OTUD7A: variants seen among roughly 807,000 people sequenced by gnomAD.
The protein encoded by OTUD7A is OTU domain-containing protein 7A.
A neutral mutation model predicts 65.7 loss-of-function variants in OTUD7A; 12 were observed. The observed-to-expected ratio is 0.18, with a 90% CI of 0.12 to 0.30. OTUD7A has a LOEUF of 0.30. Ranked by LOEUF, OTUD7A falls within the 10% of genes least tolerant of loss-of-function variation. OTUD7A has a pLI of 1.00. For synonymous variants in OTUD7A, 641 were observed against 586.3 expected (o/e 1.09, Z -1.35); for missense variants, 1,148 against 1,304.8 (o/e 0.88, Z 1.85).
chr15:31,791,734 C>T (rs1895820416), intron 1 of OTUD7A, among the ~76,000 whole-genome samples: 2 of 151,140 alleles, frequency 1.3e-5, no homozygotes, highest in African/African-American at 2.4e-5. Context: ...CCAGCTGGCC[C>T]CCTCCCTCCT....
At chr15:31,577,837 A>C (rs1313485915) in intron 3 of OTUD7A, among the ~76,000 whole-genome samples, 1 of 151,708 alleles carries the variant, frequency 6.6e-6, no homozygotes, top group African/African-American at 2.4e-5. Context: ...AAAAAAAACA[A>C]CACAGAAGCA....
intron 1 of OTUD7A, among the ~76,000 whole-genome samples, chr15:31,672,328 T>C (rs891621051): frequency 6.6e-6 from 1 of 152,210 alleles, no homozygotes; most frequent in African/African-American, 2.4e-5. Context: ...TATCTCTATA[T>C]GGTTTAATTT....
intron 1 of OTUD7A, among the ~76,000 whole-genome samples, chr15:31,761,620 CT>C (rs1894965747): frequency 1.3e-5 from 2 of 152,172 alleles, no homozygotes; most frequent in African/African-American, 4.8e-5. Flanking sequence ...TCAGCAGTTA[CT>C]CAAAAGTTAA....
intron 5 of OTUD7A, among the ~76,000 whole-genome samples, chr15:31,531,387 G>A (rs7175291): frequency 0.027 from 4,117 of 152,078 alleles, 191 homozygotes; most frequent in African/African-American, 0.094. Context: ...TCTGAAAAGT[G>A]GAGAAGAAGT....
intron 8 of OTUD7A, among the ~76,000 whole-genome samples, chr15:31,511,168 C>CACAT (rs1555391767): frequency 3.8e-4 from 2 of 5,254 alleles, no homozygotes; most frequent in Non-Finnish European, 5.9e-4. Flanking sequence ...ATGTAACATA[C>CACAT]ATATGTATAT....
At chr15:31,648,870 C>T (rs1460673093) in intron 3 of OTUD7A, among the ~76,000 whole-genome samples, 1 of 152,160 alleles carries the variant, frequency 6.6e-6, no homozygotes. Flanking sequence ...AAGCGATTCT[C>T]CTGCCTCAGC....
At position 31,662,121 on chromosome 15, in the gene OTUD7A, G is replaced by A. The variant is rs536018878; in HGVS notation, c.-99-5044C>T. 3.5e-4 allele frequency among the ~76,000 whole-genome samples: 54 copies of A among 152,320 alleles called. No homozygotes were observed. The Middle Eastern group carries it at 0.01, about 29-fold the overall frequency. On this transcript the variant is annotated intron_variant, in intron 1 of 12. Transcript: ENST00000307050. ...TGGCACTGAGTATCTGTCTCTGCCT[G>A]TGATGGTCGCAGCCACTGATGATCA...
At chr15:31,814,206 A>C (rs368025345) in intron 1 of OTUD7A, among the ~76,000 whole-genome samples, 14 of 152,320 alleles carry the variant, frequency 9.2e-5, no homozygotes, top group African/African-American at 3.4e-4. Flanking sequence ...CCACCCAACC[A>C]CTGGCATCGG....
chr15:31,744,942 TC>T (rs1894437290), intron 1 of OTUD7A, among the ~76,000 whole-genome samples: 1 of 152,020 alleles, frequency 6.6e-6, no homozygotes, highest in Non-Finnish European at 1.5e-5. Flanking sequence ...TTAAAAGAAA[TC>T]AATTTATAAT....
At chr15:31,491,112 A>G (rs889674067) in intron 10 of OTUD7A, among the ~76,000 whole-genome samples, 1 of 150,652 alleles carries the variant, frequency 6.6e-6, no homozygotes, top group Non-Finnish European at 1.5e-5. Context: ...CAAAAAACCT[A>G]TGAGGCGAAA....
chr15:31,821,086 C>A (rs1461551657), intron 1 of OTUD7A, among the ~76,000 whole-genome samples: 13 of 149,990 alleles, frequency 8.7e-5, no homozygotes, highest in Admixed American at 5.3e-4. Context: ...TTTTGCGTAA[C>A]ATATTTTCCA....
Position 31,487,152 on chromosome 15 carries a change from G to A in OTUD7A, c.1371+42C>T. 1 of 1,578,786 alleles carries A rather than the reference G, an allele frequency of 6.3e-7. No individual in the cohort carries two copies. Among genetic ancestry groups the A allele is most frequent in the Non-Finnish European group, 8.7e-7 (1 of 1,150,560 alleles). On this transcript the variant is annotated intron_variant, in intron 12 of 12. Coordinates refer to ENST00000307050, the MANE Select transcript of OTUD7A (RefSeq NM_001382637.1). The surrounding 1 kb of genome is among the most constrained non-coding windows in gnomAD (Gnocchi z 6.0). ...TGGTCAGACTGGAGCTGAGCAGCCT[G>A]GACCCTGCTGCCAGGTCTGGTCCCA...
intron 1 of OTUD7A, among the ~76,000 whole-genome samples, chr15:31,761,209 G>A (rs1171354209): frequency 1.3e-5 from 2 of 152,120 alleles, no homozygotes; most frequent in Non-Finnish European, 2.9e-5. Flanking sequence ...AATATTTATA[G>A]TTTTTTCTCA....
chr15:31,583,774 T>C (rs28583981), intron 3 of OTUD7A, among the ~76,000 whole-genome samples: 3,349 of 152,196 alleles, frequency 0.022, 153 homozygotes, highest in African/African-American at 0.076. Context: ...GAAAATGGAC[T>C]GTGTGATGCT....
At chr15:31,551,147 C>T (rs530741169) in intron 5 of OTUD7A, among the ~76,000 whole-genome samples, 3 of 152,288 alleles carry the variant, frequency 2.0e-5, no homozygotes, top group East Asian at 1.9e-4. Flanking sequence ...GTACATCAGA[C>T]GTGACCGCCC....
intron 1 of OTUD7A, among the ~76,000 whole-genome samples, chr15:31,864,519 T>C (rs575189887): frequency 2.0e-5 from 3 of 152,156 alleles, no homozygotes; most frequent in Non-Finnish European, 4.4e-5. Context: ...CCCTGATAAA[T>C]GCATCAGATC....
At chr15:31,783,857 T>C (rs1895604505) in intron 1 of OTUD7A, among the ~76,000 whole-genome samples, 1 of 152,234 alleles carries the variant, frequency 6.6e-6, no homozygotes, top group Non-Finnish European at 1.5e-5. Context: ...AAAATGAATG[T>C]AGTGAGCCTG....
At chr15:31,620,233 T>G (rs1265032326) in intron 3 of OTUD7A, among the ~76,000 whole-genome samples, 1 of 152,136 alleles carries the variant, frequency 6.6e-6, no homozygotes, top group African/African-American at 2.4e-5. Context: ...ATTCTCTTTT[T>G]TGTGTGTGTC....
intron 1 of OTUD7A, among the ~76,000 whole-genome samples, chr15:31,866,277 T>C (rs1897873540): frequency 6.6e-6 from 1 of 152,226 alleles, no homozygotes; most frequent in Admixed American, 6.5e-5. Context: ...AGGCCAGACC[T>C]TGGCCAGCTG....
Sources: gnomAD v4.1 joint callset for allele counts (sites outside exome capture counted in the v4.1 genomes callset) on GRCh38, gnomAD v4.1.1 for gene constraint, Gnocchi (gnomAD v3.1) non-coding constraint, MANE v1.5 for transcripts, NCBI Gene and HGNC (gene_info 2026-07-23, HGNC 2026-07-21) for gene names.